GABBR2: variants seen among roughly 807,000 people sequenced by gnomAD.
The protein encoded by GABBR2 is gamma-aminobutyric acid type B receptor subunit 2, also known as G-protein coupled receptor 51.
A neutral mutation model predicts 105.6 loss-of-function variants in GABBR2; 23 were observed. The observed-to-expected ratio is 0.22, with a 90% CI of 0.16 to 0.31. The LOEUF is 0.31. GABBR2 is among the 10% of genes least tolerant of loss of function. The pLI is 1.00. For synonymous variants in GABBR2, 478 were observed against 499.7 expected (o/e 0.96, Z 0.58); for missense variants, 734 against 1,245.5 (o/e 0.59, Z 6.18).
intron 6 of GABBR2, among the ~76,000 whole-genome samples, chr9:98,463,366 A>T (rs1338146743): frequency 1.3e-5 from 2 of 152,200 alleles, no homozygotes; most frequent in East Asian, 3.8e-4. Context: ...AACCAGAGAA[A>T]GTATGTATGT....
At chr9:98,561,365 T>C (rs977809775) in intron 2 of GABBR2, among the ~76,000 whole-genome samples, 10 of 151,944 alleles carry the variant, frequency 6.6e-5, no homozygotes, top group Non-Finnish European at 1.3e-4. Flanking sequence ...GTTGGTTTCT[T>C]AACACAATTT....
chr9:98,649,551 C>T (rs779721308), intron 1 of GABBR2, among the ~76,000 whole-genome samples: 7 of 152,148 alleles, frequency 4.6e-5, no homozygotes, highest in African/African-American at 9.7e-5. Context: ...TTGACTGCAG[C>T]GGTGGGATAC....
intron 7 of GABBR2, among the ~76,000 whole-genome samples, chr9:98,440,158 A>G (rs552696276): frequency 6.6e-6 from 1 of 152,326 alleles, no homozygotes; most frequent in African/African-American, 2.4e-5. Flanking sequence ...CTCCAGAGCT[A>G]CCAGAATCAG....
intron 13 of GABBR2, among the ~76,000 whole-genome samples, chr9:98,320,048 A>G (rs965637342): frequency 1.3e-5 from 2 of 152,046 alleles, no homozygotes; most frequent in African/African-American, 2.4e-5. Context: ...ACAACCTACA[A>G]AATGGGAGAA....
chr9:98,578,223 C>T (rs368340244), intron 1 of GABBR2, 151 bp from the exon 2 acceptor site: 113 of 775,622 alleles, frequency 1.5e-4, no homozygotes, highest in Middle Eastern at 1.4e-3. Flanking sequence ...CCTGAGTCCA[C>T]GCTGTAAGCT....
Position 98,361,251 on chromosome 9 carries a change from C to T in GABBR2, c.1893+1464G>A, listed in dbSNP as rs73657153. Among the ~76,000 whole-genome samples the T allele has an allele frequency of 4.3e-3, 648 of 152,260 alleles. 9 individuals are homozygous for T. Among genetic ancestry groups the T allele is most frequent in the African/African-American group, 0.013 (557 of 41,540 alleles). On this transcript the variant is annotated intron_variant, in intron 13 of 18. Coordinates refer to ENST00000259455, the MANE Select transcript of GABBR2 (RefSeq NM_005458.8). ...CTGCTAGGTAACCTTGGGTAAGTTACACAGCCTCTCTAGGTTTCTGTTTCC... is the reference window on the plus strand; with the variant it reads ...CTGCTAGGTAACCTTGGGTAAGTTATACAGCCTCTCTAGGTTTCTGTTTCC...
intron 13 of GABBR2, among the ~76,000 whole-genome samples, chr9:98,349,916 CA>C (rs1831367316): frequency 6.6e-6 from 1 of 152,130 alleles, no homozygotes; most frequent in Non-Finnish European, 1.5e-5. Flanking sequence ...TGTATGGATT[CA>C]ATTCTGTTAC....
At chr9:98,515,709 C>T (rs1212706644) in intron 3 of GABBR2, among the ~76,000 whole-genome samples, 23 of 152,138 alleles carry the variant, frequency 1.5e-4, no homozygotes, top group Admixed American at 1.5e-3. Flanking sequence ...CTCTCCCACC[C>T]CCATCCCTCA....
At position 98,708,594 on chromosome 9, in the gene GABBR2, C is replaced by G; in HGVS notation, c.144G>C (p.Arg48=). 1.4e-6 allele frequency: 2 copies of G among 1,445,280 alleles called. No homozygotes were observed. Among genetic ancestry groups the G allele is most frequent in the South Asian group, 1.4e-5 (1 of 69,060 alleles). 89.5% of individuals were successfully genotyped at this position (1,445,280 alleles called of 1,614,324 possible). The change falls in exon 1 of 19, where the codon CGG becomes CGC. Residue 48 remains arginine (R), a synonymous_variant. Transcript: ENST00000259455. ...GAWGWARGAP[R]PPPSSPPLSI... ...AGAGCGGCGGGCTGCTGGGCGGCGG[C>G]CGGGGGGCGCCCCGCGCCCAGCCCC...
chr9:98,605,602 T>A (rs1307791475), intron 1 of GABBR2, among the ~76,000 whole-genome samples: 2 of 152,204 alleles, frequency 1.3e-5, no homozygotes, highest in African/African-American at 4.8e-5. Context: ...TTTGGGGCTA[T>A]GGCAAGGAGT....
chr9:98,340,291 A>T (rs1452291467), intron 13 of GABBR2, among the ~76,000 whole-genome samples: 2 of 151,370 alleles, frequency 1.3e-5, no homozygotes, highest in African/African-American at 4.9e-5. Context: ...ATTCAATCTT[A>T]GTTCATACTT....
At chr9:98,582,120 T>C (rs1373461830) in intron 1 of GABBR2, among the ~76,000 whole-genome samples, 14 of 152,238 alleles carry the variant, frequency 9.2e-5, no homozygotes. Flanking sequence ...TATTTTATGT[T>C]ACATGGCAAA....
At chr9:98,433,286 G>A (rs940871585) in intron 7 of GABBR2, among the ~76,000 whole-genome samples, 1 of 152,210 alleles carries the variant, frequency 6.6e-6, no homozygotes, top group African/African-American at 2.4e-5. Context: ...CTGCATGCTT[G>A]AGAGAGAATC....
At chr9:98,372,214 TGGCCA>T (rs1215525668) in intron 11 of GABBR2, among the ~76,000 whole-genome samples, 71 of 152,358 alleles carry the variant, frequency 4.7e-4, no homozygotes, top group African/African-American at 1.4e-3. Flanking sequence ...TGGAACAGGC[TGGCCA>T]CCACCTGTTA....
chr9:98,419,442 A>C (rs984856705), intron 7 of GABBR2, among the ~76,000 whole-genome samples: 1 of 152,218 alleles, frequency 6.6e-6, no homozygotes, highest in Non-Finnish European at 1.5e-5. Flanking sequence ...TGGGTAGGAA[A>C]GACCATGGCC....
In GABBR2 at chr9:98,523,195, A is replaced by C. The variant is rs1314602553; in HGVS notation, c.630+18678T>G. On this transcript the variant is annotated intron_variant, in intron 3 of 18. Transcript: ENST00000259455. ...ATATGCAAATTAAGAAATTAGAAGA[A>C]GAATGGTGAAAGAAACCTACATATA... 3.9e-5 allele frequency among the ~76,000 whole-genome samples: 6 copies of C among 152,248 alleles called. No individual in the cohort carries two copies. The South Asian group carries it at 6.2e-4, about 16-fold the overall frequency.
chr9:98,417,178 T>C (rs16915785), intron 7 of GABBR2, among the ~76,000 whole-genome samples: 10,168 of 152,032 alleles, frequency 0.067, 560 homozygotes, highest in African/African-American at 0.16. Context: ...TTGAGTTGAG[T>C]TGAATGGACT....
At chr9:98,624,560 G>C (rs748360605) in intron 1 of GABBR2, among the ~76,000 whole-genome samples, 33 of 152,308 alleles carry the variant, frequency 2.2e-4, no homozygotes, top group Middle Eastern at 3.4e-3. Flanking sequence ...GGGTAGGAGG[G>C]AGAGTAGGGA....
At chr9:98,318,787 C>T (rs1400228531) in intron 13 of GABBR2, among the ~76,000 whole-genome samples, 3 of 152,102 alleles carry the variant, frequency 2.0e-5, no homozygotes, top group Admixed American at 6.5e-5. Flanking sequence ...GCCATACCTG[C>T]CTCTTTTCTT....
Sources: gnomAD v4.1 joint callset for allele counts (sites outside exome capture counted in the v4.1 genomes callset) on GRCh38, gnomAD v4.1.1 for gene constraint, MANE v1.5 for transcripts, NCBI Gene and HGNC (gene_info 2026-07-23, HGNC 2026-07-21) for gene names.